STUM: variants seen among roughly 807,000 people sequenced by gnomAD.
STUM encodes stum, mechanosensory transduction mediator homolog, also known as protein stum homolog.
STUM carries 8 observed loss-of-function variants against 15.3 expected under a neutral mutation model. The observed-to-expected ratio is 0.52, with a 90% confidence interval of 0.31 to 0.94. The LOEUF (loss-of-function observed/expected upper bound fraction) is 0.94, where lower values mean the gene tolerates loss of function less well. STUM is among the 40% of genes least tolerant of loss of function. The pLI is 0.05. For synonymous variants in STUM, 78 were observed against 88.7 expected (o/e 0.88, Z 0.68); for missense variants, 142 against 204.9 (o/e 0.69, Z 1.87).
In STUM at chr1:226,548,773, G is replaced by A. The variant is rs1032286239; in HGVS notation, c.-132G>A. On this transcript the variant is annotated 5_prime_UTR_variant, in exon 1 of 4. Coordinates refer to ENST00000366788, the MANE Select transcript of STUM (RefSeq NM_001003665.4). ...GAGGGCGGGAGTCTCCGCGAGCCGC[G>A]CGGCGCACGGAGCACGGCGGCCGCC... 3 of 684,160 alleles carry A rather than the reference G, an allele frequency of 4.4e-6. No individual in the cohort carries two copies. In the African/African-American group the frequency reaches 5.7e-5, roughly 13 times the overall value. 42.4% of individuals were successfully genotyped at this position (684,160 alleles called of 1,614,324 possible).
rs199904485 is a variant in STUM at position 226,602,073 on chromosome 1, G to A, written c.*33G>A. On this transcript the variant is annotated 3_prime_UTR_variant, in exon 4 of 4. Transcript: ENST00000366788. ...GGAGCCGCTGGGGAGATCCAGGGGGGCCCTGTGAGGGCTGCACCAGGCAGC... is the reference window on the plus strand; with the variant it reads ...GGAGCCGCTGGGGAGATCCAGGGGGACCCTGTGAGGGCTGCACCAGGCAGC... 1.5e-5 allele frequency: 23 copies of A among 1,585,490 alleles called. No homozygotes were observed. The East Asian group carries it at 4.5e-4, about 31-fold the overall frequency.
intron 2 of STUM, among the ~76,000 whole-genome samples, chr1:226,599,349 C>A (rs985274516): frequency 6.6e-6 from 1 of 152,212 alleles, no homozygotes; most frequent in Non-Finnish European, 1.5e-5. Context: ...ATCCCACCCC[C>A]AAAGGGTGAA....
intron 1 of STUM, among the ~76,000 whole-genome samples, chr1:226,582,287 T>C (rs1001379777): frequency 2.0e-5 from 3 of 152,232 alleles, no homozygotes; most frequent in Non-Finnish European, 2.9e-5. Flanking sequence ...ATTTGGCTCT[T>C]TGCTCTTTTA....
chr1:226,585,632 G>T (rs183855992), intron 1 of STUM, among the ~76,000 whole-genome samples: 1 of 152,058 alleles, frequency 6.6e-6, no homozygotes. Context: ...TGCCTGCCCC[G>T]CCTCAGTCCC....
chr1:226,551,235 C>T lies in STUM; in HGVS notation c.202+2129C>T, dbSNP rs149758207. On this transcript the variant is annotated intron_variant, in intron 1 of 3. Transcript: ENST00000366788. ...TCTTGGCGTTGCTGAGAGGATGAAA[C>T]GTGATTACATAAAGCCCAGCGTCTG... is the stretch of plus-strand genomic sequence containing the variant. Among the ~76,000 whole-genome samples the T allele has an allele frequency of 9.2e-5, 14 of 152,232 alleles. No homozygotes were observed. The East Asian group carries it at 1.9e-3, about 21-fold the overall frequency.
intron 1 of STUM, among the ~76,000 whole-genome samples, chr1:226,582,414 A>G (rs966639351): frequency 1.7e-4 from 26 of 151,962 alleles, no homozygotes; most frequent in African/African-American, 6.0e-4. Context: ...CCAACATGGT[A>G]AGACCCCATC....
chr1:226,590,736 C>T (rs1212219008), intron 1 of STUM, among the ~76,000 whole-genome samples: 1 of 152,210 alleles, frequency 6.6e-6, no homozygotes, highest in African/African-American at 2.4e-5. Flanking sequence ...AGTCTGTGTA[C>T]CACTGAGCTC....
At position 226,567,269 on chromosome 1, in the gene STUM, C is replaced by T. The variant is rs957762000; in HGVS notation, c.202+18163C>T. 8.5e-5 allele frequency among the ~76,000 whole-genome samples: 13 copies of T among 152,294 alleles called. No individual in the cohort carries two copies. Among genetic ancestry groups the T allele is most frequent in the East Asian group, 5.8e-4 (3 of 5,190 alleles). On this transcript the variant is annotated intron_variant, in intron 1 of 3. Coordinates refer to ENST00000366788, the MANE Select transcript of STUM (RefSeq NM_001003665.4). This position sits in a 1 kb window ranked among gnomAD's most constrained non-coding sequence, Gnocchi z 4.5. ...GACTGTCCGTCCTGGAGCTATCCAA[C>T]GGGTGGTGACGGCCCCGCGGGCTCT...
In STUM at chr1:226,602,114, C is replaced by A; in HGVS notation, c.*74C>A. The A allele has an allele frequency of 8.8e-7, 1 of 1,142,674 alleles. No homozygotes were observed. The highest frequency in any genetic ancestry group is 2.4e-5 in the East Asian group (1 of 41,834). 70.8% of individuals were successfully genotyped at this position (1,142,674 alleles called of 1,614,324 possible). The stretch of plus-strand genomic sequence containing the variant: ...ACCAGGCAGCTTTGGGCACAAGGAC[C>A]TTTACATGTTCTTTTCTGCCATTTT... On this transcript the variant is annotated 3_prime_UTR_variant, in exon 4 of 4. Coordinates refer to ENST00000366788, the MANE Select transcript of STUM (RefSeq NM_001003665.4).
intron 1 of STUM, among the ~76,000 whole-genome samples, chr1:226,591,413 C>T (rs1161338117): frequency 6.6e-6 from 1 of 152,064 alleles, no homozygotes. Flanking sequence ...ACCAAAAATC[C>T]CTCTGACACC....
chr1:226,573,787 G>A (rs1248708005), intron 1 of STUM, among the ~76,000 whole-genome samples: 1 of 151,720 alleles, frequency 6.6e-6, no homozygotes, highest in Non-Finnish European at 1.5e-5. Context: ...TATGTATGTG[G>A]TAAGAGCACC....
intron 1 of STUM, among the ~76,000 whole-genome samples, chr1:226,560,077 T>C (rs1667516289): frequency 6.6e-6 from 1 of 152,112 alleles, no homozygotes; most frequent in Non-Finnish European, 1.5e-5. Flanking sequence ...AGGTGGAGGT[T>C]GCAGTGAGCT....
intron 1 of STUM, among the ~76,000 whole-genome samples, chr1:226,594,947 C>G (rs570854575): frequency 1.3e-5 from 2 of 152,234 alleles, no homozygotes; most frequent in African/African-American, 4.8e-5. Flanking sequence ...TGAGCCACTG[C>G]GCCGAGCCCT....
intron 1 of STUM, among the ~76,000 whole-genome samples, chr1:226,588,283 G>A (rs918307752): frequency 8.5e-5 from 13 of 152,130 alleles, no homozygotes; most frequent in African/African-American, 2.7e-4. Context: ...GCTCAGCTTC[G>A]AACCCTGCGC....
rs529257353 is a variant in STUM at position 226,598,210 on chromosome 1, C to T, written c.382+1229C>T. On this transcript the variant is annotated intron_variant, in intron 2 of 3. Transcript: ENST00000366788. Reference sequence around the variant, plus strand: ...TCAGGTGACTCCTAAAAATTGGTCCCGACAATTCCACAGAGGAAATTTGCT... The same window carrying T: ...TCAGGTGACTCCTAAAAATTGGTCCTGACAATTCCACAGAGGAAATTTGCT... 8.1e-4 allele frequency among the ~76,000 whole-genome samples: 123 copies of T among 152,284 alleles called. 7 individuals are homozygous for T. Among genetic ancestry groups the T allele is most frequent in the East Asian group, 1.9e-4 (1 of 5,180 alleles).
intron 1 of STUM, among the ~76,000 whole-genome samples, chr1:226,560,012 G>T (rs1254911615): frequency 6.6e-6 from 1 of 151,842 alleles, no homozygotes; most frequent in African/African-American, 2.4e-5. Flanking sequence ...GATGGCGGGC[G>T]CCTGTAATCC....
chr1:226,566,330 G>A (rs1175199373), intron 1 of STUM, among the ~76,000 whole-genome samples: 4 of 152,178 alleles, frequency 2.6e-5, no homozygotes, highest in Non-Finnish European at 4.4e-5. Context: ...AAGGCATAAA[G>A]GTTCTAGTAG....
intron 1 of STUM, among the ~76,000 whole-genome samples, chr1:226,578,520 C>A (rs1336483842): frequency 1.3e-5 from 2 of 151,394 alleles, no homozygotes; most frequent in African/African-American, 4.9e-5. Context: ...CATGCACCAC[C>A]ATGCCTGGCT....
In STUM at chr1:226,564,683, C is replaced by G. The variant is rs713565; in HGVS notation, c.202+15577C>G. Among the ~76,000 whole-genome samples, 1,537 of 152,320 alleles carry G rather than the reference C, an allele frequency of 0.01. 35 individuals carry two copies. In the South Asian group the frequency reaches 0.1, roughly 10 times the overall value. On this transcript the variant is annotated intron_variant, in intron 1 of 3. Transcript: ENST00000366788. ...TTGTGTGACTTCCTCTAGTGGAGGGCCCACTGCAGGGCACCCAGTAGAATC... is the reference window on the plus strand; with the variant it reads ...TTGTGTGACTTCCTCTAGTGGAGGGGCCACTGCAGGGCACCCAGTAGAATC...
Sources: allele counts gnomAD v4.1 joint callset (sites outside exome capture counted in the v4.1 genomes callset), GRCh38; gene constraint gnomAD v4.1.1; non-coding constraint Gnocchi (gnomAD v3.1); transcripts MANE v1.5; gene names NCBI Gene and HGNC (gene_info 2026-07-23, HGNC 2026-07-21).